Variants in FGD5 observed in about 807,000 individuals in gnomAD.
FGD5 encodes FYVE, RhoGEF and PH domain containing 5, also known as FYVE, RhoGEF and PH domain-containing protein 5.
In FGD5, 28 loss-of-function variants were observed where a neutral mutation model predicts 133.4. The ratio of observed to expected loss-of-function variants is 0.21; its 90% confidence interval spans 0.16 to 0.29. FGD5 has a LOEUF of 0.29. Among genes scored for constraint, FGD5 ranks in the 10% least tolerant of loss-of-function variants. The probability of loss-of-function intolerance (pLI) is 1.00; values close to 1 mark genes in which losing one functional copy is unlikely to be tolerated. For missense variants in FGD5, 1,858 were observed against 1,895.2 expected (o/e 0.98, Z 0.36); for synonymous variants, 810 against 776.5 (o/e 1.04, Z -0.72).
upstream of FGD5, among the ~76,000 whole-genome samples, chr3:14,815,866 C>T (rs77684964): frequency 1.3e-4 from 20 of 152,354 alleles, no homozygotes; most frequent in East Asian, 3.5e-3. Context: ...GCTCTGGACT[C>T]GCTGGGTAGC....
At chr3:14,869,949 A>G (rs1217976383) in intron 2 of FGD5, among the ~76,000 whole-genome samples, 1 of 152,248 alleles carries the variant, frequency 6.6e-6, no homozygotes, top group Non-Finnish European at 1.5e-5. Context: ...TTGTAAGTAT[A>G]TGCCCTGAAG....
intron 13 of FGD5, among the ~76,000 whole-genome samples, chr3:14,919,445 C>T (rs995100805): frequency 2.6e-5 from 4 of 152,052 alleles, no homozygotes; most frequent in Non-Finnish European, 5.9e-5. Context: ...AGTGAAACCC[C>T]GTCTCTACTA....
At chr3:14,849,233 A>C (rs2037115370) in intron 1 of FGD5, among the ~76,000 whole-genome samples, 1 of 152,096 alleles carries the variant, frequency 6.6e-6, no homozygotes, top group Non-Finnish European at 1.5e-5. Context: ...GCTCCTGTTC[A>C]TGTGCGTCAA....
chr3:14,927,035 A>G (rs1048820321), intron 18 of FGD5, among the ~76,000 whole-genome samples: 9 of 152,194 alleles, frequency 5.9e-5, no homozygotes, highest in African/African-American at 2.2e-4. Flanking sequence ...TGCAACTGTG[A>G]AGGTTGCCGT....
intron 1 of FGD5, among the ~76,000 whole-genome samples, chr3:14,827,748 C>T (rs2036628390): frequency 6.6e-6 from 1 of 152,108 alleles, no homozygotes; most frequent in Non-Finnish European, 1.5e-5. Context: ...ACAGTGGGTA[C>T]CCCTGCCCTT....
intron 1 of FGD5, among the ~76,000 whole-genome samples, chr3:14,843,686 CT>C (rs71919787): frequency 0.015 from 713 of 48,224 alleles, 6 homozygotes; most frequent in African/African-American, 0.052. Context: ...CCCCAGGGTG[CT>C]TTTTTTTTTT....
chr3:14,819,831 C>T lies in FGD5; in HGVS notation c.760C>T (p.Pro254Ser), dbSNP rs1445653717. The part of the protein sequence containing the change: ...QDAEDTSEEP[P>S]EKEELAGVQE... ...TGCTGAGGACACCAGTGAGGAGCCC[C>T]CTGAGAAGGAGGAGCTGGCCGGGGT... The change falls in exon 1 of 20, where the codon CCT (proline) becomes TCT (serine). Residue 254 changes from proline to serine, a missense_variant. This residue lies in a region of FGD5 where 1,824 missense variants were observed against 1,848.9 expected (regional missense o/e 0.99). Coordinates refer to ENST00000285046, the MANE Select transcript of FGD5 (RefSeq NM_152536.4). This position sits in a 1 kb window ranked among gnomAD's most constrained non-coding sequence, Gnocchi z 4.1. The T allele has an allele frequency of 2.5e-6, 4 of 1,605,152 alleles. No homozygotes were observed. Among genetic ancestry groups the T allele is most frequent in the Non-Finnish European group, 3.4e-6 (4 of 1,175,946 alleles).
chr3:14,838,638 T>A (rs1166099957), intron 1 of FGD5, among the ~76,000 whole-genome samples: 1 of 152,226 alleles, frequency 6.6e-6, no homozygotes, highest in Admixed American at 6.5e-5. Context: ...CTAAGTCCCA[T>A]TATTTAAATC....
chr3:14,859,147 A>G (rs564646362), intron 1 of FGD5, among the ~76,000 whole-genome samples: 2 of 152,216 alleles, frequency 1.3e-5, no homozygotes, highest in East Asian at 1.9e-4. Flanking sequence ...TCATAATCCT[A>G]TACATTTATG....
Position 14,821,236 on chromosome 3 carries a change from T to A in FGD5, c.2165T>A (p.Leu722His). The A allele has an allele frequency of 1.2e-6, 2 of 1,613,822 alleles. No individual in the cohort carries two copies. Among genetic ancestry groups the A allele is most frequent in the East Asian group, 4.5e-5 (2 of 44,854 alleles). Residue 722 changes from leucine (L) to histidine (H), a missense_variant, in exon 1 of 20, where the codon CTC (leucine) becomes CAC (histidine). Physicochemically the swap from Leu to His is moderately conservative, Grantham distance 99. Coordinates refer to ENST00000285046, the MANE Select transcript of FGD5 (RefSeq NM_152536.4). The stretch of plus-strand genomic sequence containing the variant: ...CGGGCTTCTGAATCCCCCTCCTCCC[T>A]CATCTTTTATAGAGATGGCAAGAGG... ...KLRASESPSS[L>H]IFYRDGKRKG... is the part of the protein sequence containing the mutation.
chr3:14,811,414 C>A (rs2036292786), intron 1 of FGD5: 1 of 152,224 alleles, frequency 6.6e-6, no homozygotes, highest in Non-Finnish European at 1.5e-5. Flanking sequence ...TTGGAGCTTA[C>A]TCTCCAGATG....
intron 1 of FGD5, among the ~76,000 whole-genome samples, chr3:14,848,473 A>G (rs2037097894): frequency 6.6e-6 from 1 of 152,026 alleles, no homozygotes; most frequent in Admixed American, 6.6e-5. Flanking sequence ...TGGAGTACAG[A>G]ACCCAAATGG....
chr3:14,913,474 ACCAGATGCAGACC>A lies in FGD5; in HGVS notation c.3405+2563_3405+2575del, dbSNP rs569831758. Among the ~76,000 whole-genome samples, 25 of 152,236 alleles carry A rather than the reference ACCAGATGCAGACC, an allele frequency of 1.6e-4. 1 individual carries two copies. The South Asian group carries it at 3.7e-3, about 23-fold the overall frequency. On this transcript the variant is annotated intron_variant, in intron 11 of 19. Coordinates refer to ENST00000285046, the MANE Select transcript of FGD5 (RefSeq NM_152536.4). ...CGGATGGCAATGGGGAGGCAGACAGACCAGATGCAGACCCCAGATGCAGACCCCAGCTCTGACA... is the reference window on the plus strand; with the variant it reads ...CGGATGGCAATGGGGAGGCAGACAGACCAGATGCAGACCCCAGCTCTGACA...
rs572461165 is a variant in FGD5, at chr3:14,928,883, A to C, written c.4197+2685A>C. Reference sequence around the variant, plus strand: ...CTTTTACTTTTTGATGTTTTTCAAAATATACTTAACCCTATGAATTCAATG... The same window carrying C: ...CTTTTACTTTTTGATGTTTTTCAAACTATACTTAACCCTATGAATTCAATG... On this transcript the variant is annotated intron_variant, in intron 18 of 19. Coordinates refer to ENST00000285046, the MANE Select transcript of FGD5 (RefSeq NM_152536.4). Among the ~76,000 whole-genome samples the C allele has an allele frequency of 7.2e-5, 11 of 152,312 alleles. No individual in the cohort carries two copies. The South Asian group carries it at 1.4e-3, about 20-fold the overall frequency.
chr3:14,847,847 A>T (rs891526987), intron 1 of FGD5, among the ~76,000 whole-genome samples: 27 of 152,212 alleles, frequency 1.8e-4, no homozygotes, highest in African/African-American at 6.0e-4. Flanking sequence ...CTTTGGCTGT[A>T]GACTTGCTGT....
rs1480415268 is a variant in FGD5, at chr3:14,933,212, T to C, written c.*45T>C. On this transcript the variant is annotated 3_prime_UTR_variant, in exon 20 of 20. Coordinates refer to ENST00000285046, the MANE Select transcript of FGD5 (RefSeq NM_152536.4). ...CTTGTAACAAATTCTTAGGTCAATA[T>C]GTGAATGCTTTTAGAAGCTAAGCTG... The C allele has an allele frequency of 1.2e-6, 2 of 1,601,260 alleles. No individual in the cohort carries two copies. The highest frequency in any genetic ancestry group is 2.2e-5 in the East Asian group (1 of 44,692).
Position 14,898,735 on chromosome 3 carries a change from G to T in FGD5, c.3067-4G>T, listed in dbSNP as rs1273473670. On this transcript the variant is annotated splice_polypyrimidine_tract_variant and splice_region_variant and intron_variant, in intron 6 of 19. Transcript: ENST00000285046. ...AGGTTTTTCCTTCCCTGTCTTGAGA[G>T]CAGCAGAGTGTACAAGGAGGCAGCC... 1.3e-6 allele frequency: 2 copies of T among 1,577,388 alleles called. No homozygotes were observed. The highest frequency in any genetic ancestry group is 1.8e-5 in the Admixed American group (1 of 54,426).
chr3:14,927,753 A>AT (rs2038833119), intron 18 of FGD5, among the ~76,000 whole-genome samples: 1 of 151,636 alleles, frequency 6.6e-6, no homozygotes, highest in Admixed American at 6.6e-5. Flanking sequence ...AGGAATCTTT[A>AT]TTTTTTCCAA....
intron 2 of FGD5, among the ~76,000 whole-genome samples, chr3:14,875,667 A>AT (rs1424313801): frequency 6.6e-6 from 1 of 152,138 alleles, no homozygotes; most frequent in East Asian, 1.9e-4. Context: ...AGAGTGAATG[A>AT]GAGACAGGCC....
Sources: allele counts gnomAD v4.1 joint callset (sites outside exome capture counted in the v4.1 genomes callset), GRCh38; gene constraint gnomAD v4.1.1; regional missense constraint gnomAD v4.1.1; non-coding constraint Gnocchi (gnomAD v3.1); transcripts MANE v1.5; gene names NCBI Gene and HGNC (gene_info 2026-07-23, HGNC 2026-07-21).